Variants in SENP7 observed in about 807,000 individuals in gnomAD.
The protein encoded by SENP7 is SUMO specific peptidase 7.
Under a neutral mutation model 141.2 loss-of-function variants are expected in SENP7, and 64 were observed. That is an observed-to-expected ratio of 0.45 (90% CI 0.37 to 0.56). The LOEUF (loss-of-function observed/expected upper bound fraction) is 0.56. Among genes scored for constraint, SENP7 ranks in the 20% least tolerant of loss-of-function variants. SENP7 has a pLI of 0.00. For missense variants in SENP7, 1,025 were observed against 1,212.2 expected, an observed-to-expected ratio of 0.85 and a Z score of 2.29; for synonymous variants, 382 against 426.4, an observed-to-expected ratio of 0.90 and a Z score of 1.28.
chr3:101,381,739 AG>A, intron 6 of SENP7, among the ~76,000 whole-genome samples: 1 of 152,296 alleles, frequency 6.6e-6, no homozygotes, highest in East Asian at 1.9e-4. Flanking sequence ...AGCATAAAGG[AG>A]TTGAACTTAG....
intron 4 of SENP7, among the ~76,000 whole-genome samples, chr3:101,419,176 A>C (rs976388713): frequency 6.6e-6 from 1 of 152,206 alleles, no homozygotes; most frequent in Non-Finnish European, 1.5e-5. Context: ...AGGTCCAAAA[A>C]ACAGGACAAA....
At chr3:101,473,101 A>G (rs368860661) in intron 3 of SENP7, among the ~76,000 whole-genome samples, 3 of 151,774 alleles carry the variant, frequency 2.0e-5, no homozygotes, top group African/African-American at 2.4e-5. Context: ...TTTATGGTGT[A>G]TATGTGCCAC....
chr3:101,379,503 A>G (rs1398479834), intron 6 of SENP7, among the ~76,000 whole-genome samples: 2 of 152,150 alleles, frequency 1.3e-5, no homozygotes, highest in Admixed American at 1.3e-4. Flanking sequence ...AAAAAAATCC[A>G]ATTCAAAAGC....
rs2058859316 is a variant in SENP7, at chr3:101,324,846, C to A, written c.*1097G>T. 6.6e-6 allele frequency: 1 copy of A among 151,906 alleles called. No individual in the cohort carries two copies. The highest frequency in any genetic ancestry group is 1.9e-4 in the East Asian group (1 of 5,176). 9.4% of individuals were successfully genotyped at this position (151,906 alleles called of 1,614,324 possible). The stretch of plus-strand genomic sequence containing the variant: ...ATACTCCTGATAACATTAGAAAGTT[C>A]TGAAGTGTTTAATCATATATAATGC... On this transcript the variant is annotated 3_prime_UTR_variant, in exon 24 of 24. Transcript: ENST00000394095.
chr3:101,354,420 C>G (rs2059686150), intron 11 of SENP7, among the ~76,000 whole-genome samples: 1 of 152,028 alleles, frequency 6.6e-6, no homozygotes, highest in African/African-American at 2.4e-5. Context: ...CTCCCACCTT[C>G]AAGTAGGCTC....
At chr3:101,331,763 A>T (rs1385282875) in intron 19 of SENP7, among the ~76,000 whole-genome samples, 1 of 152,150 alleles carries the variant, frequency 6.6e-6, no homozygotes, top group African/African-American at 2.4e-5. Flanking sequence ...TCATAAGATC[A>T]ATAAGTAGTA....
chr3:101,464,840 A>C (rs942250994), intron 3 of SENP7, among the ~76,000 whole-genome samples: 1 of 152,126 alleles, frequency 6.6e-6, no homozygotes, highest in Non-Finnish European at 1.5e-5. Context: ...AAAAGCAGAA[A>C]GGAGACTAAA....
chr3:101,452,913 T>C (rs1156727885), intron 4 of SENP7, among the ~76,000 whole-genome samples: 2 of 152,126 alleles, frequency 1.3e-5, no homozygotes. Context: ...GAAACTACCA[T>C]CAGAGTGAAC....
chr3:101,355,288 G>A (rs974489778), intron 11 of SENP7, among the ~76,000 whole-genome samples: 3 of 152,026 alleles, frequency 2.0e-5, no homozygotes, highest in African/African-American at 7.3e-5. Flanking sequence ...CTTTGCCTGT[G>A]CCTATATTCA....
At position 101,363,337 on chromosome 3, in the gene SENP7, T is replaced by C. The variant is rs182129792; in HGVS notation, c.1477-1476A>G. The C allele has an allele frequency of 2.9e-3, 451 of 154,642 alleles. 4 individuals carry two copies. The highest frequency in any genetic ancestry group is 2.5e-3 in the Non-Finnish European group (173 of 70,174). 9.6% of individuals were successfully genotyped at this position (154,642 alleles called of 1,614,324 possible). On this transcript the variant is annotated intron_variant, in intron 10 of 23. Transcript: ENST00000394095. Reference sequence around the variant, plus strand: ...ATTTCTCATTGGGTTTCACATTTTGTAAAAACTAGCTGGCTCCTAAAAATG... The same window carrying C: ...ATTTCTCATTGGGTTTCACATTTTGCAAAAACTAGCTGGCTCCTAAAAATG...
At chr3:101,377,812 T>C (rs2060378868) in intron 6 of SENP7, among the ~76,000 whole-genome samples, 1 of 152,178 alleles carries the variant, frequency 6.6e-6, no homozygotes, top group African/African-American at 2.4e-5. Context: ...AAGGGAAATA[T>C]CTAACTTCAT....
chr3:101,493,670 A>G (rs967628157), intron 3 of SENP7, among the ~76,000 whole-genome samples: 1 of 152,214 alleles, frequency 6.6e-6, no homozygotes, highest in Non-Finnish European at 1.5e-5. Context: ...ATTATGCATA[A>G]TTATATATAC....
At chr3:101,341,814 A>T (rs373178610) in intron 14 of SENP7, 35 bp from the exon 15 acceptor site, 28 of 1,531,476 alleles carry the variant, frequency 1.8e-5, no homozygotes, top group Admixed American at 5.3e-5. Context: ...GGTCTCAAAC[A>T]TCATAACTTT....
At chr3:101,388,275 AG>A (rs2060716625) in intron 6 of SENP7, among the ~76,000 whole-genome samples, 1 of 152,100 alleles carries the variant, frequency 6.6e-6, no homozygotes, top group South Asian at 2.1e-4. Flanking sequence ...CCACCACCAC[AG>A]GTATCTAAGG....
At chr3:101,512,204 T>C (rs186441650) in intron 1 of SENP7, among the ~76,000 whole-genome samples, 46 of 152,336 alleles carry the variant, frequency 3.0e-4, no homozygotes, top group African/African-American at 1.1e-3. Flanking sequence ...ATTGATTCAT[T>C]GGGCGTTCGT....
intron 6 of SENP7, among the ~76,000 whole-genome samples, chr3:101,381,343 C>T (rs2060495990): frequency 6.6e-6 from 1 of 151,938 alleles, no homozygotes. Flanking sequence ...AACTGCTCTC[C>T]TATCTATCTC....
chr3:101,420,869 C>A (rs1011379581), intron 4 of SENP7, among the ~76,000 whole-genome samples: 1 of 152,074 alleles, frequency 6.6e-6, no homozygotes, highest in Non-Finnish European at 1.5e-5. Flanking sequence ...AGGGAAAGGG[C>A]AGAGCAGGTG....
At chr3:101,406,624 T>C (rs1303128649) in intron 5 of SENP7, among the ~76,000 whole-genome samples, 1 of 148,088 alleles carries the variant, frequency 6.8e-6, no homozygotes, top group Non-Finnish European at 1.5e-5. Flanking sequence ...AAAAGAGAAA[T>C]CTAAAAGTTT....
intron 3 of SENP7, among the ~76,000 whole-genome samples, chr3:101,478,799 A>T (rs2064329415): frequency 6.6e-6 from 1 of 152,188 alleles, no homozygotes; most frequent in African/African-American, 2.4e-5. Flanking sequence ...TACCTCAACA[A>T]AATATTATTA....
Sources: gnomAD v4.1 joint callset for allele counts (sites outside exome capture counted in the v4.1 genomes callset) on GRCh38, gnomAD v4.1.1 for gene constraint, MANE v1.5 for transcripts, NCBI Gene and HGNC (gene_info 2026-07-23, HGNC 2026-07-21) for gene names.